The following ANO2 variants were observed in gnomAD, a reference collection of about 807,000 sequenced individuals.
ANO2 encodes anoctamin-2.
A neutral mutation model predicts 124.2 loss-of-function variants in ANO2; 101 were observed. The observed-to-expected ratio is 0.81, with a 90% CI of 0.69 to 0.96. The LOEUF (loss-of-function observed/expected upper bound fraction) is 0.96. Among genes scored for constraint, ANO2 ranks in the 40% least tolerant of loss-of-function variants. The probability of loss-of-function intolerance (pLI) is 0.00; values close to 1 mark genes in which losing one functional copy is unlikely to be tolerated. For missense variants in ANO2, 1,293 were observed against 1,274.5 expected (o/e 1.01, Z -0.22); for synonymous variants, 486 against 482.5 (o/e 1.01, Z -0.09).
intron 3 of ANO2, among the ~76,000 whole-genome samples, chr12:5,875,240 T>A (rs546203103): frequency 6.6e-6 from 1 of 152,212 alleles, no homozygotes; most frequent in Non-Finnish European, 1.5e-5. Flanking sequence ...ATAGTACCTG[T>A]TTCACGTCTC....
At chr12:5,569,434 C>T (rs1171859297) in intron 23 of ANO2, among the ~76,000 whole-genome samples, 1 of 152,208 alleles carries the variant, frequency 6.6e-6, no homozygotes, top group African/African-American at 2.4e-5. Flanking sequence ...CTCACCCCTC[C>T]AGTCCTCCTT....
At chr12:5,766,196 T>C (rs533997291) in intron 10 of ANO2, among the ~76,000 whole-genome samples, 2 of 152,248 alleles carry the variant, frequency 1.3e-5, no homozygotes, top group South Asian at 2.1e-4. Flanking sequence ...GCAACTCTAC[T>C]CCCAAGTCTA....
chr12:5,831,848 G>A (rs1954162857), intron 5 of ANO2, among the ~76,000 whole-genome samples: 2 of 151,966 alleles, frequency 1.3e-5, no homozygotes, highest in Non-Finnish European at 2.9e-5. Flanking sequence ...TTTCTCCTTA[G>A]CTCCTAGAGC....
intron 7 of ANO2, among the ~76,000 whole-genome samples, chr12:5,808,610 G>C (rs891697891): frequency 1.3e-5 from 2 of 152,210 alleles, no homozygotes; most frequent in African/African-American, 4.8e-5. Flanking sequence ...TTTCCAAAGA[G>C]ACTGTAGACT....
At chr12:5,653,442 C>A (rs763058029) in intron 14 of ANO2, among the ~76,000 whole-genome samples, 5 of 152,178 alleles carry the variant, frequency 3.3e-5, no homozygotes, top group Non-Finnish European at 7.3e-5. Context: ...CAACCTAGGG[C>A]ATATTGTTCA....
intron 15 of ANO2, among the ~76,000 whole-genome samples, chr12:5,638,773 G>A (rs1330630685): frequency 6.6e-6 from 1 of 151,918 alleles, no homozygotes; most frequent in Admixed American, 6.6e-5. Context: ...CTGGCACATG[G>A]TCATTTTATT....
intron 10 of ANO2, among the ~76,000 whole-genome samples, chr12:5,756,165 G>A (rs958169392): frequency 1.3e-5 from 2 of 151,662 alleles, no homozygotes; most frequent in Admixed American, 1.3e-4. Context: ...AAGTTTTTTA[G>A]TTCAGTCATT....
rs1440279777 is a variant in ANO2 at position 5,721,380 on chromosome 12, A to G, written c.1545+11140T>C. ...TTTCCACAGGCTGTTGCCATCCCCA[A>G]ATAAATTCCTGCAACTTTAAAACTC... On this transcript the variant is annotated intron_variant, in intron 14 of 24. Transcript: ENST00000682330. Among the ~76,000 whole-genome samples the G allele has an allele frequency of 2.0e-5, 3 of 152,220 alleles. No homozygotes were observed. The East Asian group carries it at 5.8e-4, about 29-fold the overall frequency.
At chr12:5,587,701 C>T (rs1943187154) in intron 20 of ANO2, among the ~76,000 whole-genome samples, 1 of 152,074 alleles carries the variant, frequency 6.6e-6, no homozygotes, top group African/African-American at 2.4e-5. Context: ...TTGGAGATTC[C>T]CTCGAAAGCC....
At chr12:5,610,723 C>CATATATACATATATACATAT (rs1555100504) in intron 19 of ANO2, among the ~76,000 whole-genome samples, 1 of 116,898 alleles carries the variant, frequency 8.6e-6, no homozygotes, top group African/African-American at 3.4e-5. Flanking sequence ...CACATATATA[C>CATATATACATATATACATAT]ATATATATAT....
At chr12:5,649,301 G>C (rs1458631198) in intron 14 of ANO2, among the ~76,000 whole-genome samples, 1 of 152,210 alleles carries the variant, frequency 6.6e-6, no homozygotes, top group Non-Finnish European at 1.5e-5. Flanking sequence ...TTGGTAATTA[G>C]CACTTGCATT....
intron 1 of ANO2, among the ~76,000 whole-genome samples, chr12:5,935,660 TG>T (rs1377219239): frequency 6.6e-5 from 10 of 152,220 alleles, no homozygotes; most frequent in African/African-American, 2.4e-4. Context: ...CTATTCTGTG[TG>T]GAGAAGGAGC....
intron 10 of ANO2, among the ~76,000 whole-genome samples, chr12:5,773,512 G>A (rs1314984159): frequency 2.0e-5 from 3 of 152,144 alleles, no homozygotes; most frequent in Non-Finnish European, 4.4e-5. Context: ...TTAAGTGCTT[G>A]AAACAGCACT....
chr12:5,864,325 C>T (rs1955361588), intron 3 of ANO2, among the ~76,000 whole-genome samples: 2 of 152,210 alleles, frequency 1.3e-5, no homozygotes, highest in Admixed American at 6.5e-5. Flanking sequence ...TCCATAAGCC[C>T]CAAAGATGTT....
At chr12:5,664,656 T>G in intron 14 of ANO2, among the ~76,000 whole-genome samples, 1 of 152,214 alleles carries the variant, frequency 6.6e-6, no homozygotes, top group South Asian at 2.1e-4. Flanking sequence ...GTATGTTCTT[T>G]TAATCTCTTC....
intron 1 of ANO2, among the ~76,000 whole-genome samples, chr12:5,942,436 T>A (rs938708525): frequency 6.6e-6 from 1 of 152,248 alleles, no homozygotes; most frequent in Non-Finnish European, 1.5e-5. Context: ...AATATCACCA[T>A]GAACTCGTGA....
chr12:5,906,484 C>T (rs1195389436), intron 3 of ANO2, among the ~76,000 whole-genome samples: 1 of 151,974 alleles, frequency 6.6e-6, no homozygotes, highest in Non-Finnish European at 1.5e-5. Flanking sequence ...CATAGCAAGA[C>T]CCCATCCCTA....
chr12:5,715,712 C>T (rs1445736981), intron 14 of ANO2, among the ~76,000 whole-genome samples: 1 of 152,166 alleles, frequency 6.6e-6, no homozygotes, highest in Non-Finnish European at 1.5e-5. Flanking sequence ...CCCCTCTATG[C>T]TGGTGATGTG....
rs139674959 is a variant in ANO2, at chr12:5,626,976, T to C, written c.1816+8176A>G. Among the ~76,000 whole-genome samples, 612 of 152,236 alleles carry C rather than the reference T, an allele frequency of 4.0e-3. 8 individuals are homozygous for C. Among genetic ancestry groups the C allele is most frequent in the African/African-American group, 0.014 (587 of 41,538 alleles). The stretch of plus-strand genomic sequence containing the variant: ...TTGGACTTCTTGCTAACAGAAGAGA[T>C]GAGTGCTGCAAGGACTTTGCAGGGA... On this transcript the variant is annotated intron_variant, in intron 16 of 24. Coordinates refer to ENST00000682330, the MANE Select transcript of ANO2 (RefSeq NM_001364791.2).
Sources: allele counts gnomAD v4.1 joint callset (sites outside exome capture counted in the v4.1 genomes callset), GRCh38; gene constraint gnomAD v4.1.1; transcripts MANE v1.5; gene names NCBI Gene and HGNC (gene_info 2026-07-23, HGNC 2026-07-21).